Variants in STX16 observed in about 807,000 individuals in gnomAD.
STX16 encodes syntaxin-16.
In STX16, 28 loss-of-function variants were observed where a neutral mutation model predicts 42.7. That is an observed-to-expected ratio of 0.66 (90% CI 0.49 to 0.90). The LOEUF is 0.90. Ranked by LOEUF, STX16 falls within the 40% of genes least tolerant of loss-of-function variation. The pLI is 0.00. For missense variants in STX16, 361 were observed against 420.9 expected, an observed-to-expected ratio of 0.86 and a Z score of 1.24; for synonymous variants, 156 against 155.2, an observed-to-expected ratio of 1.00 and a Z score of -0.04.
At chr20:58,656,704 A>G (rs959662602) in intron 1 of STX16, among the ~76,000 whole-genome samples, 7 of 152,246 alleles carry the variant, frequency 4.6e-5, no homozygotes, top group Non-Finnish European at 8.8e-5. Flanking sequence ...ACATAAGCAC[A>G]TTATTTTTAA....
chr20:58,669,100 G>A (rs1287107708), intron 4 of STX16, among the ~76,000 whole-genome samples, 191 bp from the exon 5 acceptor site: 1 of 152,238 alleles, frequency 6.6e-6, no homozygotes, highest in East Asian at 1.9e-4. Context: ...CTACATAGCA[G>A]GAGCTGAAAT....
intron 1 of STX16, among the ~76,000 whole-genome samples, chr20:58,653,012 G>C (rs1394778516): frequency 6.6e-6 from 1 of 152,124 alleles, no homozygotes; most frequent in African/African-American, 2.4e-5. Flanking sequence ...TGTTAAATAA[G>C]GGGCGAGTCT....
intron 1 of STX16, among the ~76,000 whole-genome samples, chr20:58,652,878 TTAAC>T (rs1019031668): frequency 3.9e-5 from 6 of 152,056 alleles, no homozygotes; most frequent in Non-Finnish European, 1.5e-5. Context: ...TTTTTTTTAA[TTAAC>T]CACAACCTTT....
intron 3 of STX16, 88 bp downstream of exon 3, chr20:58,667,685 G>C: frequency 2.5e-6 from 3 of 1,181,714 alleles, no homozygotes; most frequent in Non-Finnish European, 2.5e-6. Context: ...AAACGAATTT[G>C]GCTACACTTG....
intron 4 of STX16, 24 bp from the exon 5 acceptor site, chr20:58,669,267 T>C: frequency 6.2e-7 from 1 of 1,606,700 alleles, no homozygotes; most frequent in South Asian, 1.1e-5. Flanking sequence ...AGGCTTGCCC[T>C]GAGCCTCGGG....
chr20:58,659,928 T>G (rs1157355663), intron 2 of STX16, among the ~76,000 whole-genome samples: 1 of 152,196 alleles, frequency 6.6e-6, no homozygotes, highest in Non-Finnish European at 1.5e-5. Context: ...AGCCAGAATG[T>G]TTTGAGAATT....
chr20:58,654,138 C>T (rs1022563405), intron 1 of STX16, among the ~76,000 whole-genome samples: 3 of 151,916 alleles, frequency 2.0e-5, no homozygotes, highest in Admixed American at 6.6e-5. Flanking sequence ...TTTCTAAGAA[C>T]GTTAAAAAAT....
At position 58,675,234 on chromosome 20, in the gene STX16, C is replaced by T. The variant is rs578017845; in HGVS notation, c.874-953C>T. Among the ~76,000 whole-genome samples, 11 of 152,184 alleles carry T rather than the reference C, an allele frequency of 7.2e-5. No homozygotes were observed. In the East Asian group the frequency reaches 2.1e-3, roughly 29 times the overall value. Reference sequence around the variant, plus strand: ...GCTCCTCCAGGTGGGCGGGCAGGCTCACTTAGGAAACAAGCCCACCGCGGG... The same window carrying T: ...GCTCCTCCAGGTGGGCGGGCAGGCTTACTTAGGAAACAAGCCCACCGCGGG... On this transcript the variant is annotated intron_variant, in intron 8 of 8. Transcript: ENST00000371141.
rs10706096 is a variant in STX16, at chr20:58,660,713, C to CTTTTT, written c.144+1101_144+1105dup. 3.1e-4 allele frequency among the ~76,000 whole-genome samples: 22 copies of CTTTTT among 70,726 alleles called. 2 individuals are homozygous for CTTTTT. The highest frequency in any genetic ancestry group is 9.9e-4 in the African/African-American group (17 of 17,194). 46.4% of individuals were successfully genotyped at this position (70,726 alleles called of 152,430 possible). On this transcript the variant is annotated intron_variant, in intron 2 of 8. Transcript: ENST00000371141. ...AGCATGGATAATATGATTCCTGCTC[C>CTTTTT]TTTTTTTTTTTTTTTTTTTTTTTTT... is the stretch of plus-strand genomic sequence containing the variant.
Position 58,676,554 on chromosome 20 carries a change from T to TA in STX16, c.*264dup, listed in dbSNP as rs1601063270. 1 of 342,220 alleles carries TA rather than the reference T, an allele frequency of 2.9e-6. No homozygotes were observed. The highest frequency in any genetic ancestry group is 5.1e-5 in the East Asian group (1 of 19,792). 21.2% of individuals were successfully genotyped at this position (342,220 alleles called of 1,614,324 possible). On this transcript the variant is annotated 3_prime_UTR_variant, in exon 9 of 9. Transcript: ENST00000371141. ...ATAGAGATTGAGTTCTGGGATCAGT[T>TA]ATAATATATATTTTTTTTAGAAAGA...
At chr20:58,660,292 G>A (rs1316629048) in intron 2 of STX16, among the ~76,000 whole-genome samples, 3 of 152,204 alleles carry the variant, frequency 2.0e-5, no homozygotes, top group Non-Finnish European at 4.4e-5. Context: ...TGTTGTTAAT[G>A]TTTGTGTCTA....
chr20:58,676,318 C>G lies in STX16; in HGVS notation c.*27C>G. ...TGGCATTGGGTTTTCGTGTGTGCCG[C>G]GCGTGTGGATCTCCCGGGTGTGAGG... is the stretch of plus-strand genomic sequence containing the variant. On this transcript the variant is annotated 3_prime_UTR_variant, in exon 9 of 9. Transcript: ENST00000371141. 6.3e-7 allele frequency: 1 copy of G among 1,592,256 alleles called. No homozygotes were observed.
intron 8 of STX16, among the ~76,000 whole-genome samples, chr20:58,674,044 A>G (rs560589050): frequency 2.6e-5 from 4 of 152,330 alleles, no homozygotes; most frequent in Non-Finnish European, 4.4e-5. Flanking sequence ...TAGGAAATCA[A>G]TTGGGCATTT....
At chr20:58,662,066 T>G (rs2083713466) in intron 2 of STX16, among the ~76,000 whole-genome samples, 1 of 152,244 alleles carries the variant, frequency 6.6e-6, no homozygotes, top group East Asian at 1.9e-4. Context: ...CCACCATTGG[T>G]TCTCTTACCC....
chr20:58,668,468 A>G (rs2083892587), intron 4 of STX16, among the ~76,000 whole-genome samples: 2 of 152,388 alleles, frequency 1.3e-5, no homozygotes, highest in South Asian at 2.1e-4. Context: ...TATAGTCCTC[A>G]TAATTGAAAA....
chr20:58,673,806 CA>C, intron 8 of STX16, 95 bp downstream of exon 8: 1 of 912,650 alleles, frequency 1.1e-6, no homozygotes, highest in East Asian at 2.6e-5. Flanking sequence ...CGATCTTCAG[CA>C]TTCTTGTGTT....
rs1022741141 is a variant in STX16, at chr20:58,652,368, AGCACCCCCCCCCCC to A, written c.132+240_132+253del. 2.2e-4 allele frequency: 130 copies of A among 592,092 alleles called. 1 individual carries two copies. The highest frequency in any genetic ancestry group is 8.7e-4 in the South Asian group (54 of 62,258). The allele number at this position is 592,092 out of a possible 1,614,324, so 36.7% of individuals were successfully genotyped here. On this transcript the variant is annotated intron_variant, in intron 1 of 8. Transcript: ENST00000371141. ...TGCCCGGTCTTCTCCTCACTTCCGC[AGCACCCCCCCCCCC>A]GCACCCCCCGCCTTGGCGTCACTGC...
At chr20:58,658,293 T>C (rs892084452) in intron 1 of STX16, among the ~76,000 whole-genome samples, 12 of 152,212 alleles carry the variant, frequency 7.9e-5, no homozygotes, top group Admixed American at 1.3e-4. Flanking sequence ...ATTTTAATGT[T>C]CTCTTAATGT....
chr20:58,662,677 TTTTA>T lies in STX16; in HGVS notation c.144+3059_144+3062del, dbSNP rs1283785818. Among the ~76,000 whole-genome samples the T allele has an allele frequency of 1.3e-4, 19 of 151,928 alleles. No homozygotes were observed. The South Asian group carries it at 3.5e-3, about 28-fold the overall frequency. ...AGGTGCGTGCCACCATGCGTGGCTA[TTTTA>T]TTTATTTATTTATTTTTGTATTTTT... On this transcript the variant is annotated intron_variant, in intron 2 of 8. Transcript: ENST00000371141.
Sources: allele counts gnomAD v4.1 joint callset (sites outside exome capture counted in the v4.1 genomes callset), GRCh38; gene constraint gnomAD v4.1.1; transcripts MANE v1.5; gene names NCBI Gene and HGNC (gene_info 2026-07-23, HGNC 2026-07-21).